The following AGAP1 variants were observed in gnomAD, a reference collection of about 807,000 sequenced individuals.
The protein encoded by AGAP1 is arf-GAP with GTPase, ANK repeat and PH domain-containing protein 1.
AGAP1 carries 29 observed loss-of-function variants against 105.3 expected under a neutral mutation model. The observed-to-expected ratio is 0.28, with a 90% CI of 0.21 to 0.38. AGAP1 has a LOEUF of 0.38. Among genes scored for constraint, AGAP1 ranks in the 10% least tolerant of loss-of-function variants. The pLI is 1.00. For synonymous variants in AGAP1, 509 were observed against 485.9 expected (o/e 1.05, Z -0.63); for missense variants, 998 against 1,165.1 (o/e 0.86, Z 2.09).
At chr2:235,651,083 A>T (rs1947568751) in intron 1 of AGAP1, among the ~76,000 whole-genome samples, 1 of 146,680 alleles carries the variant, frequency 6.8e-6, no homozygotes, top group Admixed American at 7.0e-5. Context: ...CAGGAGGCTG[A>T]GGTGGGACAA....
At position 236,078,575 on chromosome 2, in the gene AGAP1, C is replaced by G. The variant is rs2058703752; in HGVS notation, c.2114+29294C>G. On this transcript the variant is annotated intron_variant, in intron 16 of 17. Transcript: ENST00000304032. This position sits in a 1 kb window ranked among gnomAD's most constrained non-coding sequence, Gnocchi z 5.3. ...GAGGGGTGGGGTGCATTTTATTGGG[C>G]ACTTTTGCCTTTGAAAACGTAATCT... Among the ~76,000 whole-genome samples the G allele has an allele frequency of 6.6e-6, 1 of 152,174 alleles. No homozygotes were observed. The highest frequency in any genetic ancestry group is 1.5e-5 in the Non-Finnish European group (1 of 68,034).
chr2:235,494,874 C>G, intron 1 of AGAP1, 25 bp downstream of exon 1: 2 of 1,539,204 alleles, frequency 1.3e-6, no homozygotes, highest in South Asian at 2.3e-5. Flanking sequence ...GCCTTGGGGC[C>G]TCGGGAAGGC....
In AGAP1 at chr2:235,750,190, T is replaced by C. The variant is rs1953314265; in HGVS notation, c.539-164T>C. 6.6e-6 allele frequency among the ~76,000 whole-genome samples: 1 copy of C among 152,244 alleles called. No individual in the cohort carries two copies. The highest frequency in any genetic ancestry group is 1.5e-5 in the Non-Finnish European group (1 of 68,044). ...CGAATGAATAACTTTCTCTTGTGTT[T>C]GAGTCTCTTAGTTGGGAGGCAAACG... On this transcript the variant is annotated intron_variant, in intron 5 of 17. Coordinates refer to ENST00000304032, the MANE Select transcript of AGAP1 (RefSeq NM_001037131.3). The surrounding 1 kb of genome is among the most constrained non-coding windows in gnomAD (Gnocchi z 5.3).
rs1330667398 is a variant in AGAP1, at chr2:236,061,256, A to G, written c.2114+11975A>G. Reference sequence around the variant, plus strand: ...TGGCAAGTGTTGGTGAGGAACGTGGAGACACTGGTGCAGCCACTTGGGAAG... The same window carrying G: ...TGGCAAGTGTTGGTGAGGAACGTGGGGACACTGGTGCAGCCACTTGGGAAG... On this transcript the variant is annotated intron_variant, in intron 16 of 17. Coordinates refer to ENST00000304032, the MANE Select transcript of AGAP1 (RefSeq NM_001037131.3). The surrounding 1 kb of genome is among the most constrained non-coding windows in gnomAD (Gnocchi z 4.1). Among the ~76,000 whole-genome samples, 1 of 152,152 alleles carries G rather than the reference A, an allele frequency of 6.6e-6. No individual in the cohort carries two copies. The highest frequency in any genetic ancestry group is 2.4e-5 in the African/African-American group (1 of 41,438).
rs1334057550 is a variant in AGAP1 at position 235,992,465 on chromosome 2, C to CCAT, written c.1645+23843_1645+23845dup. Among the ~76,000 whole-genome samples the CCAT allele has an allele frequency of 6.6e-6, 1 of 152,092 alleles. No homozygotes were observed. The highest frequency in any genetic ancestry group is 2.4e-5 in the African/African-American group (1 of 41,430). Reference sequence around the variant, plus strand: ...TCCATGTGGGGACAGAGACTGCCACCCATTCCTTTCTGAGGATTCAGTTCT... The same window carrying CCAT: ...TCCATGTGGGGACAGAGACTGCCACCCATCATTCCTTTCTGAGGATTCAGTTCT... On this transcript the variant is annotated intron_variant, in intron 13 of 17. Transcript: ENST00000304032. This position sits in a 1 kb window ranked among gnomAD's most constrained non-coding sequence, Gnocchi z 4.8.
intron 1 of AGAP1, among the ~76,000 whole-genome samples, chr2:235,668,547 G>T (rs1197679657): frequency 6.6e-6 from 1 of 152,198 alleles, no homozygotes; most frequent in Non-Finnish European, 1.5e-5. Context: ...GGTGTGATTA[G>T]GGGACATTGT....
chr2:236,124,159 C>T lies in AGAP1; in HGVS notation c.*37C>T, dbSNP rs1274951854. The T allele has an allele frequency of 2.5e-6, 4 of 1,602,654 alleles. No homozygotes were observed. Among genetic ancestry groups the T allele is most frequent in the African/African-American group, 1.3e-5 (1 of 74,812 alleles). Reference sequence around the variant, plus strand: ...GCCCGCCTGCTCGCCGCACCTGGGACGCGGCAGCCTCGCCGCATTCTCGCT... The same window carrying T: ...GCCCGCCTGCTCGCCGCACCTGGGATGCGGCAGCCTCGCCGCATTCTCGCT... On this transcript the variant is annotated 3_prime_UTR_variant, in exon 18 of 18. Coordinates refer to ENST00000304032, the MANE Select transcript of AGAP1 (RefSeq NM_001037131.3). The surrounding 1 kb of genome is among the most constrained non-coding windows in gnomAD (Gnocchi z 5.1).
intron 1 of AGAP1, among the ~76,000 whole-genome samples, chr2:235,546,334 A>G (rs1943621454): frequency 6.6e-6 from 1 of 152,136 alleles, no homozygotes; most frequent in African/African-American, 2.4e-5. Context: ...ATATCCCACA[A>G]AGAGAAATAG....
Position 235,599,892 on chromosome 2 carries a change from A to G in AGAP1, c.163+105043A>G, listed in dbSNP as rs1022517260. On this transcript the variant is annotated intron_variant, in intron 1 of 17. Coordinates refer to ENST00000304032, the MANE Select transcript of AGAP1 (RefSeq NM_001037131.3). This position sits in a 1 kb window ranked among gnomAD's most constrained non-coding sequence, Gnocchi z 5.3. Reference sequence around the variant, plus strand: ...TACCCACGACGTGGAGCCCTGAAGGATGAGGAAAATAATTTCTGAGAAACT... The same window carrying G: ...TACCCACGACGTGGAGCCCTGAAGGGTGAGGAAAATAATTTCTGAGAAACT... Among the ~76,000 whole-genome samples, 1 of 152,200 alleles carries G rather than the reference A, an allele frequency of 6.6e-6. No homozygotes were observed. Among genetic ancestry groups the G allele is most frequent in the Non-Finnish European group, 1.5e-5 (1 of 68,036 alleles).
At chr2:235,696,245 C>T (rs554465876) in intron 1 of AGAP1, among the ~76,000 whole-genome samples, 1 of 152,260 alleles carries the variant, frequency 6.6e-6, no homozygotes, top group Non-Finnish European at 1.5e-5. Flanking sequence ...AGGGTTTCTC[C>T]ATGTTGGTCA....
chr2:235,705,071 C>A lies in AGAP1; in HGVS notation c.164-4108C>A, dbSNP rs997651245. Among the ~76,000 whole-genome samples the A allele has an allele frequency of 6.7e-6, 1 of 148,218 alleles. No homozygotes were observed. The highest frequency in any genetic ancestry group is 1.5e-5 in the Non-Finnish European group (1 of 67,222). On this transcript the variant is annotated intron_variant, in intron 1 of 17. Transcript: ENST00000304032. The surrounding 1 kb of genome is among the most constrained non-coding windows in gnomAD (Gnocchi z 4.9). ...TCGGCTCGCTGCAACCTCTACCTCC[C>A]GGGTTCAAGCACTTCTCCTGCCTCA...
rs1029880373 is a variant in AGAP1, at chr2:235,614,774, C to T, written c.164-94405C>T. ...TTCTTTTGTGGGAAATAGAACACAGCGTTGGGTACCAAGAGGGTGCTGTCT... is the reference window on the plus strand; with the variant it reads ...TTCTTTTGTGGGAAATAGAACACAGTGTTGGGTACCAAGAGGGTGCTGTCT... On this transcript the variant is annotated intron_variant, in intron 1 of 17. Coordinates refer to ENST00000304032, the MANE Select transcript of AGAP1 (RefSeq NM_001037131.3). This position sits in a 1 kb window ranked among gnomAD's most constrained non-coding sequence, Gnocchi z 4.7. Among the ~76,000 whole-genome samples, 9 of 152,232 alleles carry T rather than the reference C, an allele frequency of 5.9e-5. No individual in the cohort carries two copies. The highest frequency in any genetic ancestry group is 2.1e-4 in the South Asian group (1 of 4,812).
In AGAP1 at chr2:236,009,946, CA is replaced by C. The variant is rs752219096; in HGVS notation, c.1646-26613del. 4.6e-5 allele frequency among the ~76,000 whole-genome samples: 7 copies of C among 152,114 alleles called. No individual in the cohort carries two copies. The highest frequency in any genetic ancestry group is 8.8e-5 in the Non-Finnish European group (6 of 68,004). Reference sequence around the variant, plus strand: ...TTAATAAGCCTGTGGTTTCCTGGTACAATGATGGAGGAAGAGTTTGGAATAA... The same window carrying C: ...TTAATAAGCCTGTGGTTTCCTGGTACATGATGGAGGAAGAGTTTGGAATAA... On this transcript the variant is annotated intron_variant, in intron 13 of 17. Coordinates refer to ENST00000304032, the MANE Select transcript of AGAP1 (RefSeq NM_001037131.3). This position sits in a 1 kb window ranked among gnomAD's most constrained non-coding sequence, Gnocchi z 4.2.
rs2055097520 is a variant in AGAP1, at chr2:235,981,576, C to T, written c.1645+12953C>T. Among the ~76,000 whole-genome samples, 1 of 152,084 alleles carries T rather than the reference C, an allele frequency of 6.6e-6. No homozygotes were observed. The highest frequency in any genetic ancestry group is 6.5e-5 in the Admixed American group (1 of 15,274). Reference sequence around the variant, plus strand: ...TTCAAAGAGGAAATCAATCACGAAACAGAAACTCAGAGTTGACAATCTATT... The same window carrying T: ...TTCAAAGAGGAAATCAATCACGAAATAGAAACTCAGAGTTGACAATCTATT... On this transcript the variant is annotated intron_variant, in intron 13 of 17. Coordinates refer to ENST00000304032, the MANE Select transcript of AGAP1 (RefSeq NM_001037131.3). The surrounding 1 kb of genome is among the most constrained non-coding windows in gnomAD (Gnocchi z 5.5).
chr2:235,816,042 G>A (rs12473447), intron 9 of AGAP1, among the ~76,000 whole-genome samples: 35,385 of 152,174 alleles, frequency 0.23, 5,221 homozygotes, highest in Admixed American at 0.4. Context: ...CTCACTGTCC[G>A]TCAGTTGTGT....
In AGAP1 at chr2:235,631,671, C is replaced by A. The variant is rs543152506; in HGVS notation, c.164-77508C>A. Among the ~76,000 whole-genome samples the A allele has an allele frequency of 1.3e-4, 20 of 152,326 alleles. No individual in the cohort carries two copies. The highest frequency in any genetic ancestry group is 1.0e-3 in the Admixed American group (16 of 15,310). The stretch of plus-strand genomic sequence containing the variant: ...GGTTAACCTCTCTGTGCTTAGGTGA[C>A]CTTCGATGGCACGGGGGATAGCAGT... On this transcript the variant is annotated intron_variant, in intron 1 of 17. Coordinates refer to ENST00000304032, the MANE Select transcript of AGAP1 (RefSeq NM_001037131.3). This position sits in a 1 kb window ranked among gnomAD's most constrained non-coding sequence, Gnocchi z 5.4.
chr2:235,686,646 GATAT>G (rs869287617), intron 1 of AGAP1, among the ~76,000 whole-genome samples: 2 of 18,822 alleles, frequency 1.1e-4, no homozygotes, highest in Non-Finnish European at 2.0e-4. Context: ...TATATATATA[GATAT>G]ATATATATAT....
chr2:235,860,939 G>A (rs879689826), intron 9 of AGAP1, among the ~76,000 whole-genome samples: 5 of 152,122 alleles, frequency 3.3e-5, no homozygotes, highest in African/African-American at 9.7e-5. Context: ...GTGTACGGCC[G>A]TCAGCCTCCA....
chr2:235,617,032 G>A (rs553195834), intron 1 of AGAP1, among the ~76,000 whole-genome samples: 48 of 152,074 alleles, frequency 3.2e-4, no homozygotes, highest in African/African-American at 1.0e-3. Context: ...ATTGGGCTGG[G>A]CTCACATTTT....
Sources: allele counts gnomAD v4.1 joint callset (sites outside exome capture counted in the v4.1 genomes callset), GRCh38; gene constraint gnomAD v4.1.1; non-coding constraint Gnocchi (gnomAD v3.1); transcripts MANE v1.5; gene names NCBI Gene and HGNC (gene_info 2026-07-23, HGNC 2026-07-21).